The following CASK variants were observed in gnomAD, a reference collection of about 807,000 sequenced individuals.
CASK encodes calcium/calmodulin dependent serine protein kinase, also known as peripheral plasma membrane protein CASK.
CASK carries 4 observed loss-of-function variants against 82.9 expected under a neutral mutation model. The observed-to-expected ratio is 0.05, with a 90% CI of 0.02 to 0.11. The LOEUF (loss-of-function observed/expected upper bound fraction) is 0.11. Among genes scored for constraint, CASK ranks in the 10% least tolerant of loss-of-function variants. CASK has a pLI of 1.00. For synonymous variants in CASK, 259 were observed against 253.5 expected (o/e 1.02, Z -0.20); for missense variants, 358 against 720.9 (o/e 0.50, Z 5.76).
chrX:41,521,400 A>G (rs769434750), intron 26 of CASK, among the ~76,000 whole-genome samples: 133 of 112,095 alleles, frequency 1.2e-3, no homozygotes, highest in African/African-American at 4.1e-3. Context: ...CAGAAGGAAG[A>G]GAACTCTAGG....
intron 11 of CASK, among the ~76,000 whole-genome samples, chrX:41,615,437 A>G (rs891192661): frequency 8.9e-6 from 1 of 111,746 alleles, no homozygotes. Flanking sequence ...TGACCCCAGC[A>G]TGTCATCAAC....
At position 41,841,150 on chromosome X, in the gene CASK, T is replaced by G. The variant is rs191607131; in HGVS notation, c.172+11965A>C. Among the ~76,000 whole-genome samples the G allele has an allele frequency of 1.2e-4, 14 of 112,258 alleles. No homozygotes were observed. In the East Asian group the frequency reaches 3.6e-3, roughly 29 times the overall value. On this transcript the variant is annotated intron_variant, in intron 2 of 26. Transcript: ENST00000378163. Reference sequence around the variant, plus strand: ...CAACAGCGGTTACATCATTTTGTATTCCCAATAGCAATTTATGATGGTTCC... The same window carrying G: ...CAACAGCGGTTACATCATTTTGTATGCCCAATAGCAATTTATGATGGTTCC...
intron 5 of CASK, chrX:41,697,709 T>C (rs1375781489): frequency 9.0e-6 from 1 of 111,655 alleles, no homozygotes; most frequent in Non-Finnish European, 1.9e-5. Context: ...ATCTCAAATA[T>C]AATGTTGAGT....
At chrX:41,798,563 G>A (rs1421536139) in intron 2 of CASK, among the ~76,000 whole-genome samples, 8 of 112,552 alleles carry the variant, frequency 7.1e-5, no homozygotes, top group African/African-American at 9.7e-5. Flanking sequence ...GGCCAGGGGC[G>A]GTGGCTCACG....
chrX:41,787,550 CAAA>C (rs778064917), intron 2 of CASK, among the ~76,000 whole-genome samples: 3 of 39,718 alleles, frequency 7.6e-5, no homozygotes, highest in Non-Finnish European at 5.1e-5. Context: ...TCCCCAAAAG[CAAA>C]AAAAAAAAAA....
At chrX:41,650,503 G>A (rs1294530620) in intron 8 of CASK, among the ~76,000 whole-genome samples, 2 of 107,794 alleles carry the variant, frequency 1.9e-5, no homozygotes, top group Non-Finnish European at 1.9e-5. Flanking sequence ...ATGACTTTGG[G>A]TAGCCTTCAT....
intron 2 of CASK, among the ~76,000 whole-genome samples, chrX:41,816,465 AAT>A (rs1271312658): frequency 9.0e-6 from 1 of 111,573 alleles, no homozygotes; most frequent in African/African-American, 3.3e-5. Flanking sequence ...AAGATGAGAA[AAT>A]TAAAGCAAAA....
At chrX:41,759,100 G>A (rs1468182391) in intron 3 of CASK, among the ~76,000 whole-genome samples, 1 of 111,848 alleles carries the variant, frequency 8.9e-6, no homozygotes, top group East Asian at 2.8e-4. Context: ...GTGGATCCCA[G>A]TTCTTTGAAG....
intron 5 of CASK, among the ~76,000 whole-genome samples, chrX:41,691,840 CAAAAAAAAAAAAAAA>C (rs397895684): frequency 3.5e-5 from 1 of 28,484 alleles, no homozygotes; most frequent in African/African-American, 1.5e-4. Flanking sequence ...GACTCTGTCT[CAAAAAAAAAAAAAAA>C]AAAAAAAAAA....
At chrX:41,642,987 C>T (rs1279994585) in intron 8 of CASK, among the ~76,000 whole-genome samples, 5 of 112,040 alleles carry the variant, frequency 4.5e-5, no homozygotes, top group Non-Finnish European at 7.5e-5. Flanking sequence ...TTTCCCAGCA[C>T]CATTTATTAA....
At chrX:41,622,243 T>C (rs1478764140) in intron 11 of CASK, among the ~76,000 whole-genome samples, 2 of 112,554 alleles carry the variant, frequency 1.8e-5, no homozygotes, top group Non-Finnish European at 3.8e-5. Flanking sequence ...TTACAGGTGA[T>C]GTAATTGTCA....
intron 21 of CASK, among the ~76,000 whole-genome samples, chrX:41,550,148 G>A (rs1455486752): frequency 8.9e-6 from 1 of 111,912 alleles, no homozygotes; most frequent in South Asian, 3.7e-4. Context: ...GTGACAGGGC[G>A]AGACTCCGTC....
Position 41,745,510 on chromosome X carries a change from T to C in CASK, c.356+14A>G. 1 of 1,122,581 alleles carries C rather than the reference T, an allele frequency of 8.9e-7. No homozygotes were observed. Among genetic ancestry groups the C allele is most frequent in the Non-Finnish European group, 1.2e-6 (1 of 814,442 alleles). The allele number at this position is 1,122,581 out of a possible 1,213,427, so 92.5% of individuals were successfully genotyped here. ...TTCAACTTGACCTCTGGTGATTAGA[T>C]ATACAATACATACCTGGCTACAGCT... is the stretch of plus-strand genomic sequence containing the variant. On this transcript the variant is annotated intron_variant, in intron 4 of 26. Coordinates refer to ENST00000378163, the MANE Select transcript of CASK (RefSeq NM_001367721.1).
chrX:41,732,551 G>T (rs2068415686), intron 5 of CASK, among the ~76,000 whole-genome samples: 1 of 110,417 alleles, frequency 9.1e-6, no homozygotes, highest in Non-Finnish European at 1.9e-5. Context: ...TTTCAATCCA[G>T]CAGCCTAATG....
intron 5 of CASK, among the ~76,000 whole-genome samples, chrX:41,701,209 A>C (rs1360376148): frequency 8.9e-6 from 1 of 111,757 alleles, no homozygotes; most frequent in Non-Finnish European, 1.9e-5. Flanking sequence ...TCAAGAATTA[A>C]GTGTAAATAA....
At chrX:41,811,933 A>G (rs1282215967) in intron 2 of CASK, among the ~76,000 whole-genome samples, 1 of 111,862 alleles carries the variant, frequency 8.9e-6, no homozygotes, top group Admixed American at 9.5e-5. Context: ...CAGAAATACA[A>G]ACTACCATCA....
At position 41,736,324 on chromosome X, in the gene CASK, G is replaced by A. The variant is rs142177909; in HGVS notation, c.429+3060C>T. Among the ~76,000 whole-genome samples the A allele has an allele frequency of 2.1e-3, 229 of 111,036 alleles. 5 individuals carry two copies. The East Asian group carries it at 0.06, about 29-fold the overall frequency. On this transcript the variant is annotated intron_variant, in intron 5 of 26. Coordinates refer to ENST00000378163, the MANE Select transcript of CASK (RefSeq NM_001367721.1). ...AGCCTGGGCAACAGGGTGAAACCTC[G>A]TCTCTACAAAAAACTACAAAAAAAA...
chrX:41,787,520 G>A (rs2069633621), intron 2 of CASK, among the ~76,000 whole-genome samples: 2 of 90,710 alleles, frequency 2.2e-5, no homozygotes, highest in Admixed American at 1.2e-4. Context: ...AATAAAAAAA[G>A]TACACATTTC....
At chrX:41,550,250 CAGA>C (rs2065078452) in intron 21 of CASK, among the ~76,000 whole-genome samples, 1 of 112,105 alleles carries the variant, frequency 8.9e-6, no homozygotes, top group South Asian at 3.8e-4. Context: ...TTGCATTTTC[CAGA>C]AGTTTATGTA....
Sources: gnomAD v4.1 joint callset for allele counts (sites outside exome capture counted in the v4.1 genomes callset) on GRCh38, gnomAD v4.1.1 for gene constraint, MANE v1.5 for transcripts, NCBI Gene and HGNC (gene_info 2026-07-23, HGNC 2026-07-21) for gene names.